Variants in HIVEP1 observed in about 807,000 individuals in gnomAD.
HIVEP1 encodes the protein HIVEP zinc finger 1.
Under a neutral mutation model 180.0 loss-of-function variants are expected in HIVEP1, and 36 were observed. That is an observed-to-expected ratio of 0.20 (90% CI 0.15 to 0.26). The LOEUF is 0.26. Among genes scored for constraint, HIVEP1 ranks in the 10% least tolerant of loss-of-function variants. HIVEP1 has a pLI of 1.00. For synonymous variants in HIVEP1, 1,239 were observed against 1,239.0 expected (o/e 1.00, Z 0.00); for missense variants, 3,143 against 3,268.7 (o/e 0.96, Z 0.94).
chr6:12,120,217 C>T lies in HIVEP1; in HGVS notation c.422C>T (p.Ser141Phe), dbSNP rs377493934. Residue 141 changes from serine to phenylalanine, a missense_variant, in exon 4 of 9, where the codon TCT (serine) becomes TTT (phenylalanine). Coordinates refer to ENST00000379388, the MANE Select transcript of HIVEP1 (RefSeq NM_002114.4). Reference protein sequence around the residue: ...PKKPLFLQQPSELRRWRSEGA... With the variant: ...PKKPLFLQQPFELRRWRSEGA... ...AAGCCCTTGTTTCTGCAGCAACCAT[C>T]TGAACTGCGTAGATGGAGATCCGAA... The T allele has an allele frequency of 2.5e-6, 4 of 1,614,090 alleles. No homozygotes were observed. Among genetic ancestry groups the T allele is most frequent in the African/African-American group, 1.3e-5 (1 of 74,940 alleles).
chr6:12,011,738 G>A (rs1767325234), upstream of HIVEP1, among the ~76,000 whole-genome samples: 1 of 148,458 alleles, frequency 6.7e-6, no homozygotes, highest in Non-Finnish European at 1.5e-5. Flanking sequence ...CCGGGTTCGT[G>A]CCGGGCCGGG....
chr6:12,102,239 C>G (rs141295450), intron 3 of HIVEP1, among the ~76,000 whole-genome samples: 1 of 152,168 alleles, frequency 6.6e-6, no homozygotes, highest in African/African-American at 2.4e-5. Flanking sequence ...ACTACCAACA[C>G]TGTAAGCCAA....
At chr6:12,147,703 C>T (rs1205566689) in intron 7 of HIVEP1, among the ~76,000 whole-genome samples, 1 of 152,138 alleles carries the variant, frequency 6.6e-6, no homozygotes, top group Non-Finnish European at 1.5e-5. Context: ...AAAGAAGTAC[C>T]TCAGGACTTC....
At chr6:12,045,136 G>A (rs1253744189) in intron 2 of HIVEP1, among the ~76,000 whole-genome samples, 1 of 152,116 alleles carries the variant, frequency 6.6e-6, no homozygotes. Flanking sequence ...AGTCAGCTCT[G>A]TTCCTAACCC....
chr6:12,062,721 T>G (rs73724345), intron 2 of HIVEP1, among the ~76,000 whole-genome samples: 7,350 of 152,286 alleles, frequency 0.048, 220 homozygotes, highest in Middle Eastern at 0.14. Flanking sequence ...ATGAGGTAAC[T>G]GAGGTTTGGC....
At chr6:12,209,392 C>G in the HIVEP1 span, among the ~76,000 whole-genome samples, 1 of 152,166 alleles carries the variant, frequency 6.6e-6, no homozygotes, top group South Asian at 2.1e-4. Flanking sequence ...CAGATAGCAC[C>G]GCTGCACTCC....
chr6:12,134,666 G>A (rs1811896), intron 6 of HIVEP1, among the ~76,000 whole-genome samples: 123 of 152,236 alleles, frequency 8.1e-4, no homozygotes, highest in African/African-American at 2.7e-3. Flanking sequence ...GCCCTTGTTG[G>A]CAATGCTTTT....
rs745326818 is a variant in HIVEP1 at position 12,124,059 on chromosome 6, T to C, written c.4264T>C (p.Leu1422=). The change falls in exon 4 of 9, where the codon TTA becomes CTA. Residue 1422 remains leucine (L), a synonymous_variant. Coordinates refer to ENST00000379388, the MANE Select transcript of HIVEP1 (RefSeq NM_002114.4). ...RVGVTGHVPL[L]ERRRGPLVRQ... is the part of the protein sequence containing the mutation. ...GGGAGTGACTGGGCATGTGCCTCTC[T>C]TAGAAAGAAGGAGAGGCCCACTGGT... 5.6e-6 allele frequency: 9 copies of C among 1,613,816 alleles called. No homozygotes were observed. The highest frequency in any genetic ancestry group is 7.6e-6 in the Non-Finnish European group (9 of 1,179,856).
intron 3 of HIVEP1, among the ~76,000 whole-genome samples, chr6:12,105,297 A>G (rs1774356593): frequency 1.3e-5 from 2 of 152,168 alleles, no homozygotes; most frequent in Admixed American, 1.3e-4. Flanking sequence ...GACTCCATGC[A>G]TGGCATGCCC....
Position 12,122,808 on chromosome 6 carries a change from G to C in HIVEP1, c.3013G>C (p.Gly1005Arg), listed in dbSNP as rs765664239. 1.2e-6 allele frequency: 2 copies of C among 1,613,446 alleles called. No homozygotes were observed. The highest frequency in any genetic ancestry group is 1.1e-5 in the South Asian group (1 of 91,018). The change falls in exon 4 of 9, where the codon GGT (glycine) becomes CGT (arginine). Residue 1005 changes from glycine to arginine, a missense_variant. This residue lies in a region of HIVEP1 where 1,357 missense variants were observed against 1,260.5 expected (regional missense o/e 1.08). Coordinates refer to ENST00000379388, the MANE Select transcript of HIVEP1 (RefSeq NM_002114.4). ...REPEHSPVPG[G>R]LQPQILHYRV... Reference sequence around the variant, plus strand: ...ACCTGAGCACAGCCCTGTGCCCGGCGGTCTGCAGCCTCAGATTCTACACTA... The same window carrying C: ...ACCTGAGCACAGCCCTGTGCCCGGCCGTCTGCAGCCTCAGATTCTACACTA...
chr6:12,176,314 C>G, the HIVEP1 span, among the ~76,000 whole-genome samples: 2 of 145,964 alleles, frequency 1.4e-5, no homozygotes, highest in African/African-American at 2.5e-5. Context: ...CTCACCAGAA[C>G]GTCCACCTGC....
chr6:12,092,559 G>A (rs962238247), intron 3 of HIVEP1, among the ~76,000 whole-genome samples: 1 of 152,162 alleles, frequency 6.6e-6, no homozygotes, highest in African/African-American at 2.4e-5. Context: ...TATAGGGAAT[G>A]TGAATGTTCA....
intron 2 of HIVEP1, among the ~76,000 whole-genome samples, chr6:12,021,063 T>G (rs1356347540): frequency 6.6e-6 from 1 of 152,078 alleles, no homozygotes; most frequent in Non-Finnish European, 1.5e-5. Context: ...GCTAATTTTT[T>G]TGTATTTTTA....
At chr6:12,047,429 G>A (rs1029759798) in intron 2 of HIVEP1, among the ~76,000 whole-genome samples, 7 of 152,188 alleles carry the variant, frequency 4.6e-5, no homozygotes, top group South Asian at 4.1e-4. Flanking sequence ...TGGTGTTTTC[G>A]GAAGGCATAA....
intron 2 of HIVEP1, among the ~76,000 whole-genome samples, chr6:12,034,544 A>C (rs1438093061): frequency 2.0e-5 from 3 of 152,226 alleles, no homozygotes; most frequent in African/African-American, 7.2e-5. Context: ...AGACAAGCCC[A>C]AAACTGTAAC....
intron 2 of HIVEP1, among the ~76,000 whole-genome samples, chr6:12,071,033 C>A (rs1276063621): frequency 6.6e-6 from 1 of 152,142 alleles, no homozygotes; most frequent in South Asian, 2.1e-4. Flanking sequence ...ATCAGTAGGT[C>A]CTGACTTCAT....
In HIVEP1 at chr6:12,123,801, A is replaced by G. The variant is rs1396263247; in HGVS notation, c.4006A>G (p.Ile1336Val). ...DVSKTEASPK[I>V]DFLNKAEFLM... ...TTCTAAAACGGAGGCTTCCCCCAAA[A>G]TCGATTTTCTAAATAAAGCCGAGTT... The change falls in exon 4 of 9, where the codon ATC (isoleucine) becomes GTC (valine). Residue 1336 changes from isoleucine (I) to valine (V), a missense_variant. Transcript: ENST00000379388. 6.2e-7 allele frequency: 1 copy of G among 1,614,016 alleles called. No homozygotes were observed. The highest frequency in any genetic ancestry group is 1.7e-5 in the Admixed American group (1 of 60,006).
At chr6:12,014,264 A>AG (rs1385151344) in intron 1 of HIVEP1, among the ~76,000 whole-genome samples, 2 of 152,240 alleles carry the variant, frequency 1.3e-5, no homozygotes, top group Non-Finnish European at 2.9e-5. Flanking sequence ...GCCTCTTGAA[A>AG]GAAATCCTGA....
chr6:12,057,911 G>C (rs1003761816), intron 2 of HIVEP1, among the ~76,000 whole-genome samples: 1 of 152,054 alleles, frequency 6.6e-6, no homozygotes, highest in Non-Finnish European at 1.5e-5. Flanking sequence ...AGTAGCACTC[G>C]GCATGTAGTT....
Sources: allele counts gnomAD v4.1 joint callset (sites outside exome capture counted in the v4.1 genomes callset), GRCh38; gene constraint gnomAD v4.1.1; regional missense constraint gnomAD v4.1.1; transcripts MANE v1.5; gene names NCBI Gene and HGNC (gene_info 2026-07-23, HGNC 2026-07-21).